The following ASAH2B variants were observed in gnomAD, a reference collection of about 807,000 sequenced individuals.
ASAH2B encodes the protein N-acylsphingosine amidohydrolase 2B.
A neutral mutation model predicts 2.9 loss-of-function variants in ASAH2B; 1 was observed. That is an observed-to-expected ratio of 0.34 (90% CI 0.12 to 1.63). The LOEUF is 1.63. Among genes scored for constraint, ASAH2B ranks in the 40% most tolerant of loss-of-function variants. The pLI is 0.36. For missense variants in ASAH2B, 9 were observed against 37.7 expected (o/e 0.24, Z 1.99); for synonymous variants, 4 against 13.3 (o/e 0.30, Z 1.52).
At chr10:50,751,509 C>G (rs1472406124) in intron 4 of ASAH2B, among the ~76,000 whole-genome samples, 1 of 150,732 alleles carries the variant, frequency 6.6e-6, no homozygotes, top group African/African-American at 2.5e-5. Context: ...AAGGCCTTCC[C>G]AATGTCATTT....
intron 1 of ASAH2B, among the ~76,000 whole-genome samples, chr10:50,742,366 T>C (rs1259580268): frequency 4.6e-5 from 7 of 152,140 alleles, no homozygotes; most frequent in Admixed American, 2.6e-4. Context: ...GAGAATGTTG[T>C]GGAGGAAGCT....
chr10:50,753,173 C>G (rs1484332143), intron 5 of ASAH2B, among the ~76,000 whole-genome samples: 1 of 146,572 alleles, frequency 6.8e-6, no homozygotes, highest in Non-Finnish European at 1.5e-5. Flanking sequence ...GACAATACTT[C>G]TGTTCCCAAG....
In ASAH2B at chr10:50,756,900, G is replaced by A. The variant is rs1837105090; in HGVS notation, c.*2160G>A. ...GTGTCTGTGGATGCTGCAAGGACTG[G>A]CTCACTGGAGCCAAACCATGTGGCG... On this transcript the variant is annotated 3_prime_UTR_variant, in exon 6 of 6. Transcript: ENST00000647317. 1.3e-5 allele frequency: 2 copies of A among 151,698 alleles called. No homozygotes were observed. The highest frequency in any genetic ancestry group is 1.3e-4 in the Admixed American group (2 of 15,194). 9.4% of individuals were successfully genotyped at this position (151,698 alleles called of 1,614,324 possible). A position where few individuals can be genotyped will look rare whatever the true frequency, so the allele number is the denominator to read the frequency against.
intron 1 of ASAH2B, among the ~76,000 whole-genome samples, chr10:50,742,208 A>C (rs550762773): frequency 4.6e-5 from 7 of 152,366 alleles, no homozygotes; most frequent in African/African-American, 1.7e-4. Context: ...AAAGTAAGAC[A>C]GGAAAATGAA....
chr10:50,748,779 T>C (rs992423480), intron 3 of ASAH2B, among the ~76,000 whole-genome samples: 8 of 150,650 alleles, frequency 5.3e-5, no homozygotes, highest in African/African-American at 2.0e-4. Flanking sequence ...CTGATGACAT[T>C]GAGCTGGTGG....
Position 50,742,826 on chromosome 10 carries a change from C to T in ASAH2B, c.-99-89C>T, listed in dbSNP as rs551672779. 45 of 1,279,592 alleles carry T rather than the reference C, an allele frequency of 3.5e-5. 1 individual carries two copies. The highest frequency in any genetic ancestry group is 3.5e-4 in the East Asian group (15 of 43,220). 79.3% of individuals were successfully genotyped at this position (1,279,592 alleles called of 1,614,324 possible). ...GCCAGTTTTGAATAATGTGAGATGT[C>T]AAGCATCACACTTACCTAAAATGCT... On this transcript the variant is annotated intron_variant, in intron 1 of 5. Coordinates refer to ENST00000647317, the MANE Select transcript of ASAH2B (RefSeq NM_001321958.2).
chr10:50,758,627 AAC>A lies in ASAH2B; in HGVS notation c.*3893_*3894del, dbSNP rs1215449124. 1 of 151,996 alleles carries A rather than the reference AAC, an allele frequency of 6.6e-6. No individual in the cohort carries two copies. Among genetic ancestry groups the A allele is most frequent in the African/African-American group, 2.4e-5 (1 of 41,430 alleles). 9.4% of individuals were successfully genotyped at this position (151,996 alleles called of 1,614,324 possible). Reference sequence around the variant, plus strand: ...CTCTAGAAAATATATTTTGGAAAAGAACACACATTGGAATAATGACGAAAAAA... The same window carrying A: ...CTCTAGAAAATATATTTTGGAAAAGAACACATTGGAATAATGACGAAAAAA... On this transcript the variant is annotated 3_prime_UTR_variant, in exon 6 of 6. Coordinates refer to ENST00000647317, the MANE Select transcript of ASAH2B (RefSeq NM_001321958.2).
At chr10:50,751,751 A>G (rs2132729361) in intron 4 of ASAH2B, among the ~76,000 whole-genome samples, 1 of 140,516 alleles carries the variant, frequency 7.1e-6, no homozygotes, top group Non-Finnish European at 1.6e-5. Flanking sequence ...TAGGGTCACA[A>G]TCTCAAGGAT....
intron 5 of ASAH2B, among the ~76,000 whole-genome samples, chr10:50,753,152 G>A (rs1167716383): frequency 2.0e-5 from 3 of 148,094 alleles, no homozygotes; most frequent in Non-Finnish European, 4.5e-5. Flanking sequence ...TTGATAATGT[G>A]TCTGAAATAA....
chr10:50,742,953 G>A lies in ASAH2B; in HGVS notation c.-61G>A, dbSNP rs567646122. ...AGGCAGCATCGACAATTTATGGACC[G>A]CACGCATTATCTGCTTACATTCAGC... On this transcript the variant is annotated 5_prime_UTR_variant, in exon 2 of 6. Transcript: ENST00000647317. 2.5e-5 allele frequency: 41 copies of A among 1,614,048 alleles called. No individual in the cohort carries two copies. The South Asian group carries it at 4.0e-4, about 16-fold the overall frequency.
intron 3 of ASAH2B, among the ~76,000 whole-genome samples, chr10:50,747,486 T>A (rs1022407395): frequency 6.6e-6 from 1 of 151,734 alleles, no homozygotes; most frequent in African/African-American, 2.4e-5. Flanking sequence ...GTTGTGAGAC[T>A]GGACACTCTT....
chr10:50,742,878 G>T (rs1201454466), intron 1 of ASAH2B, 37 bp from the exon 2 acceptor site: 1 of 1,606,420 alleles, frequency 6.2e-7, no homozygotes. Flanking sequence ...ATTTAAATAT[G>T]CAGAACCATA....
chr10:50,748,486 G>T (rs1310188599), intron 3 of ASAH2B, among the ~76,000 whole-genome samples: 3 of 149,258 alleles, frequency 2.0e-5, no homozygotes, highest in African/African-American at 5.1e-5. Flanking sequence ...AGTCTGGCCT[G>T]GTGGGAACAG....
intron 4 of ASAH2B, among the ~76,000 whole-genome samples, chr10:50,751,523 A>G (rs1486077443): frequency 1.7e-4 from 26 of 150,944 alleles, no homozygotes; most frequent in Admixed American, 1.7e-3. Context: ...GTCATTTGCC[A>G]TAAATAGACA....
At chr10:50,745,679 G>A (rs1352494906) in intron 3 of ASAH2B, among the ~76,000 whole-genome samples, 1 of 148,032 alleles carries the variant, frequency 6.8e-6, no homozygotes, top group Non-Finnish European at 1.5e-5. Flanking sequence ...GGAGGGATGA[G>A]AAGAGGGGAG....
intron 3 of ASAH2B, among the ~76,000 whole-genome samples, chr10:50,746,664 G>C (rs1839910149): frequency 6.7e-6 from 1 of 149,000 alleles, no homozygotes. Flanking sequence ...ATCAACACTT[G>C]TCTTTTGTCT....
rs1471499985 is a variant in ASAH2B, at chr10:50,758,825, A to G, written c.*4085A>G. The stretch of plus-strand genomic sequence containing the variant: ...TTTAACGAACAAAGCAAACGGATGA[A>G]CAGGTAATTACTGTACAGAGTGACC... On this transcript the variant is annotated 3_prime_UTR_variant, in exon 6 of 6. Coordinates refer to ENST00000647317, the MANE Select transcript of ASAH2B (RefSeq NM_001321958.2). The G allele has an allele frequency of 6.6e-6, 1 of 152,024 alleles. No homozygotes were observed. Among genetic ancestry groups the G allele is most frequent in the Non-Finnish European group, 1.5e-5 (1 of 67,924 alleles). The allele number at this position is 152,024 out of a possible 1,614,324, so 9.4% of individuals were successfully genotyped here.
chr10:50,741,356 T>A (rs1839828341), intron 1 of ASAH2B, among the ~76,000 whole-genome samples: 1 of 152,188 alleles, frequency 6.6e-6, no homozygotes, highest in African/African-American at 2.4e-5. Context: ...TGGGGCATAA[T>A]GATGAAAAGA....
intron 2 of ASAH2B, chr10:50,744,586 C>T (rs1163674218): frequency 6.6e-6 from 1 of 151,520 alleles, no homozygotes; most frequent in Non-Finnish European, 1.5e-5. Flanking sequence ...TTTTATGACA[C>T]TATTAAAAAT....
Sources: gnomAD v4.1 joint callset for allele counts (sites outside exome capture counted in the v4.1 genomes callset) on GRCh38, gnomAD v4.1.1 for gene constraint, MANE v1.5 for transcripts, NCBI Gene and HGNC (gene_info 2026-07-23, HGNC 2026-07-21) for gene names.